The following PMEPA1 variants were observed in gnomAD, a reference collection of about 807,000 sequenced individuals.
PMEPA1 encodes the protein prostate transmembrane protein, androgen induced 1.
In PMEPA1, 11 loss-of-function variants were observed where a neutral mutation model predicts 23.0. The observed-to-expected ratio is 0.48, with a 90% CI of 0.30 to 0.79. The LOEUF (loss-of-function observed/expected upper bound fraction) is 0.79. PMEPA1 is among the 30% of genes least tolerant of loss of function. The pLI is 0.06. For missense variants in PMEPA1, 377 were observed against 390.9 expected (o/e 0.96, Z 0.30); for synonymous variants, 204 against 166.4 (o/e 1.23, Z -1.74).
chr20:57,669,115 G>A (rs1021546029), intron 1 of PMEPA1, among the ~76,000 whole-genome samples: 44 of 151,816 alleles, frequency 2.9e-4, no homozygotes, highest in African/African-American at 1.0e-3. Context: ...AGGCAGGCAC[G>A]TAATGACTAC....
intron 1 of PMEPA1, among the ~76,000 whole-genome samples, chr20:57,673,621 T>C (rs1484271494): frequency 6.6e-6 from 1 of 152,156 alleles, no homozygotes; most frequent in Non-Finnish European, 1.5e-5. Context: ...GTAACTACTG[T>C]GGTGTCAAGC....
At chr20:57,708,502 T>A (rs532156988) in intron 1 of PMEPA1, among the ~76,000 whole-genome samples, 21 of 152,216 alleles carry the variant, frequency 1.4e-4, no homozygotes, top group African/African-American at 5.1e-4. Flanking sequence ...GGCGGCTGCG[T>A]TAGCGACAAG....
intron 1 of PMEPA1, among the ~76,000 whole-genome samples, chr20:57,705,312 G>C (rs1306201334): frequency 6.6e-6 from 1 of 152,230 alleles, no homozygotes. Context: ...GAGGCCAACT[G>C]TCTGACCTAA....
chr20:57,705,131 G>A (rs948163101), intron 1 of PMEPA1, among the ~76,000 whole-genome samples: 4 of 152,066 alleles, frequency 2.6e-5, no homozygotes, highest in Non-Finnish European at 4.4e-5. Flanking sequence ...ATGACTGTGT[G>A]TGCGCGTGTG....
intron 2 of PMEPA1, among the ~76,000 whole-genome samples, chr20:57,658,740 G>A (rs1402204027): frequency 6.6e-6 from 1 of 152,178 alleles, no homozygotes; most frequent in Admixed American, 6.5e-5. Context: ...GGGACCTGGT[G>A]TCCTGTTGCC....
chr20:57,680,904 C>T (rs1406009841), intron 1 of PMEPA1, among the ~76,000 whole-genome samples: 4 of 152,256 alleles, frequency 2.6e-5, no homozygotes, highest in Admixed American at 6.5e-5. Context: ...GGGAAAGTGG[C>T]GGAGAGCAGT....
rs142800633 is a variant in PMEPA1, at chr20:57,688,172, C to T, written c.109+21302G>A. Among the ~76,000 whole-genome samples the T allele has an allele frequency of 6.6e-5, 10 of 152,360 alleles. No individual in the cohort carries two copies. The East Asian group carries it at 1.7e-3, about 26-fold the overall frequency. Reference sequence around the variant, plus strand: ...GGAGTAGGCACCTGGGTGTTTCTCCCCATTCCAAGATTTCTCCGTTTTCCT... The same window carrying T: ...GGAGTAGGCACCTGGGTGTTTCTCCTCATTCCAAGATTTCTCCGTTTTCCT... On this transcript the variant is annotated intron_variant, in intron 1 of 3. Transcript: ENST00000341744.
At chr20:57,698,190 C>T (rs763287037) in intron 1 of PMEPA1, among the ~76,000 whole-genome samples, 7 of 152,078 alleles carry the variant, frequency 4.6e-5, no homozygotes, top group African/African-American at 7.2e-5. Flanking sequence ...CATTGAGCTG[C>T]GATCTATCCT....
chr20:57,690,742 A>C, intron 1 of PMEPA1: 1 of 360,782 alleles, frequency 2.8e-6, no homozygotes, highest in South Asian at 2.9e-5. Flanking sequence ...GCCGACCCCC[A>C]CCTGCCGGAA....
rs1191449455 is a variant in PMEPA1, at chr20:57,650,650, A to G, written c.*1403T>C. On this transcript the variant is annotated 3_prime_UTR_variant, in exon 4 of 4. Transcript: ENST00000341744. Reference sequence around the variant, plus strand: ...GGAAAGGAGATGGAAAGGGGAAGAGAAGGTGAAGAATTCTGCGCCCGAAGC... The same window carrying G: ...GGAAAGGAGATGGAAAGGGGAAGAGGAGGTGAAGAATTCTGCGCCCGAAGC... 1 of 152,416 alleles carries G rather than the reference A, an allele frequency of 6.6e-6. No individual in the cohort carries two copies. The highest frequency in any genetic ancestry group is 1.9e-4 in the East Asian group (1 of 5,190). The allele number at this position is 152,416 out of a possible 1,614,324, so 9.4% of individuals were successfully genotyped here.
chr20:57,700,287 C>G, intron 1 of PMEPA1: 1 of 377,696 alleles, frequency 2.6e-6, no homozygotes, highest in Non-Finnish European at 5.4e-6. Flanking sequence ...CTGAGGTACA[C>G]AATAACTCCA....
chr20:57,675,629 C>A (rs1279947255), intron 1 of PMEPA1, among the ~76,000 whole-genome samples: 1 of 152,176 alleles, frequency 6.6e-6, no homozygotes, highest in Non-Finnish European at 1.5e-5. Context: ...TGACAGTCGG[C>A]CCCTGAATGG....
rs199957156 is a variant in PMEPA1, at chr20:57,682,655, A to AT, written c.110-22959dup. ...GTGACCCACACTCCTCCAGTTTTTG[A>AT]TTTAAAAAAAATCCCTGAAACAGCA... On this transcript the variant is annotated intron_variant, in intron 1 of 3. Coordinates refer to ENST00000341744, the MANE Select transcript of PMEPA1 (RefSeq NM_020182.5). This position sits in a 1 kb window ranked among gnomAD's most constrained non-coding sequence, Gnocchi z 4.4. 8.6e-6 allele frequency among the ~76,000 whole-genome samples: 1 copy of AT among 116,358 alleles called. No individual in the cohort carries two copies. The highest frequency in any genetic ancestry group is 1.8e-5 in the Non-Finnish European group (1 of 54,958). The allele number at this position is 116,358 out of a possible 152,430, so 76.3% of individuals were successfully genotyped here.
chr20:57,697,191 T>C (rs2071952875), intron 1 of PMEPA1, among the ~76,000 whole-genome samples: 1 of 152,176 alleles, frequency 6.6e-6, no homozygotes, highest in East Asian at 1.9e-4. Flanking sequence ...CACTAGTCTT[T>C]CAGTCAGCCA....
At chr20:57,659,345 C>T (rs1254207315) in intron 2 of PMEPA1, among the ~76,000 whole-genome samples, 198 bp downstream of exon 2, 1 of 152,246 alleles carries the variant, frequency 6.6e-6, no homozygotes, top group Non-Finnish European at 1.5e-5. Flanking sequence ...GTTCCTCCAG[C>T]ATCTCTGAGG....
At chr20:57,693,434 G>A (rs182043114) in intron 1 of PMEPA1, among the ~76,000 whole-genome samples, 91 of 152,334 alleles carry the variant, frequency 6.0e-4, no homozygotes, top group African/African-American at 1.9e-3. Context: ...AGCCAGACAG[G>A]CGGCAGAACT....
chr20:57,686,873 C>T (rs1386512212), intron 1 of PMEPA1, among the ~76,000 whole-genome samples: 1 of 152,232 alleles, frequency 6.6e-6, no homozygotes, highest in Non-Finnish European at 1.5e-5. Flanking sequence ...CAGCTGTCTA[C>T]ACTAATCCCG....
At chr20:57,681,717 C>A (rs748584075) in intron 1 of PMEPA1, among the ~76,000 whole-genome samples, 1 of 152,138 alleles carries the variant, frequency 6.6e-6, no homozygotes, top group Non-Finnish European at 1.5e-5. Context: ...AACTTGTGTA[C>A]GCTTTAGTCA....
At position 57,683,287 on chromosome 20, in the gene PMEPA1, T is replaced by A. The variant is rs2071745543; in HGVS notation, c.110-23590A>T. 6.6e-6 allele frequency among the ~76,000 whole-genome samples: 1 copy of A among 152,184 alleles called. No individual in the cohort carries two copies. Among genetic ancestry groups the A allele is most frequent in the Admixed American group, 6.5e-5 (1 of 15,280 alleles). Reference sequence around the variant, plus strand: ...TTTGATGTGCTGAGAGAGGCCAGTTTTTGGAGGGAAACATCAATACTGTTG... The same window carrying A: ...TTTGATGTGCTGAGAGAGGCCAGTTATTGGAGGGAAACATCAATACTGTTG... On this transcript the variant is annotated intron_variant, in intron 1 of 3. Coordinates refer to ENST00000341744, the MANE Select transcript of PMEPA1 (RefSeq NM_020182.5). This position sits in a 1 kb window ranked among gnomAD's most constrained non-coding sequence, Gnocchi z 4.3.
Sources: gnomAD v4.1 joint callset for allele counts (sites outside exome capture counted in the v4.1 genomes callset) on GRCh38, gnomAD v4.1.1 for gene constraint, Gnocchi (gnomAD v3.1) non-coding constraint, MANE v1.5 for transcripts, NCBI Gene and HGNC (gene_info 2026-07-23, HGNC 2026-07-21) for gene names.